FAAH2: variants seen among roughly 807,000 people sequenced by gnomAD.
The protein encoded by FAAH2 is fatty-acid amide hydrolase 2.
Under a neutral mutation model 36.9 loss-of-function variants are expected in FAAH2, and 60 were observed. The ratio of observed to expected loss-of-function variants is 1.63; its 90% CI spans 1.32 to 2.02. FAAH2 has a LOEUF of 2.02. Among genes scored for constraint, FAAH2 ranks in the 30% most tolerant of loss-of-function variants. FAAH2 has a pLI of 0.00. For synonymous variants in FAAH2, 214 were observed against 143.8 expected, an observed-to-expected ratio of 1.49 and a Z score of -3.49; for missense variants, 689 against 397.5, an observed-to-expected ratio of 1.73 and a Z score of -6.23.
At chrX:57,379,821 T>TC (rs1284395970) in intron 6 of FAAH2, among the ~76,000 whole-genome samples, 1 of 108,714 alleles carries the variant, frequency 9.2e-6, no homozygotes, top group Non-Finnish European at 1.9e-5. Context: ...GAATTTTTTT[T>TC]TTTTTTGCAT....
chrX:57,240,691 G>T, the FAAH2 span, among the ~76,000 whole-genome samples: 2 of 112,430 alleles, frequency 1.8e-5, no homozygotes, highest in African/African-American at 6.5e-5. Flanking sequence ...CTGTAGGGGA[G>T]ACTGTGGGTG....
chrX:57,162,996 C>G, the FAAH2 span, among the ~76,000 whole-genome samples: 1 of 112,032 alleles, frequency 8.9e-6, no homozygotes, highest in Non-Finnish European at 1.9e-5. Flanking sequence ...GTGGTTTTAT[C>G]TACTTTTGGT....
intron 7 of FAAH2, among the ~76,000 whole-genome samples, chrX:57,384,928 C>A (rs1458893083): frequency 8.9e-6 from 1 of 111,765 alleles, no homozygotes; most frequent in Non-Finnish European, 1.9e-5. Flanking sequence ...GGCACATATA[C>A]ACCATGGAAT....
At chrX:57,245,817 C>G in the FAAH2 span, among the ~76,000 whole-genome samples, 4 of 111,692 alleles carry the variant, frequency 3.6e-5, no homozygotes, top group African/African-American at 9.8e-5. Context: ...ATTAAACGAT[C>G]TAGAGAAGCA....
chrX:57,452,098 T>A (rs766550097), intron 10 of FAAH2: 1 of 717,056 alleles, frequency 1.4e-6, no homozygotes, highest in Non-Finnish European at 1.7e-6. Context: ...AAAAGTGGCC[T>A]TTCACTGGCT....
chrX:57,294,834 C>A (rs978238318), intron 2 of FAAH2, among the ~76,000 whole-genome samples: 7 of 111,420 alleles, frequency 6.3e-5, no homozygotes, highest in Non-Finnish European at 1.3e-4. Flanking sequence ...ACATTGTGCT[C>A]ATGTCACTTT....
At position 57,341,339 on chromosome X, in the gene FAAH2, A is replaced by G. The variant is rs1163574187; in HGVS notation, c.691A>G (p.Ile231Val). The change falls in exon 5 of 11, where the codon ATT (isoleucine) becomes GTT (valine). Residue 231 changes from isoleucine (I) to valine (V), a missense_variant. Transcript: ENST00000374900. ...IGVGSDIGGS[I>V]RMPAFFNGIF... ...TGTGGGCTCTGATATTGGTGGTAGC[A>G]TTCGAATGCCTGCTTTCTTCAATGG... 1 of 1,210,947 alleles carries G rather than the reference A, an allele frequency of 8.3e-7. No homozygotes were observed.
chrX:57,325,217 G>A (rs1307178868), intron 3 of FAAH2, among the ~76,000 whole-genome samples: 2 of 111,863 alleles, frequency 1.8e-5, no homozygotes, highest in Non-Finnish European at 3.8e-5. Flanking sequence ...TAAGCTTTTA[G>A]ATGTGCTGCT....
intron 7 of FAAH2, among the ~76,000 whole-genome samples, chrX:57,403,976 G>A (rs1397526701): frequency 8.9e-6 from 1 of 112,795 alleles, no homozygotes. Flanking sequence ...ACTTAGGATA[G>A]TTCTGAACTG....
chrX:57,194,168 C>G, the FAAH2 span, among the ~76,000 whole-genome samples: 11 of 111,378 alleles, frequency 9.9e-5, no homozygotes, highest in Non-Finnish European at 3.8e-5. Context: ...CTTATCATTA[C>G]TAGGGGACTT....
intron 7 of FAAH2, among the ~76,000 whole-genome samples, chrX:57,395,867 A>G (rs1054377148): frequency 1.8e-5 from 2 of 111,713 alleles, no homozygotes; most frequent in Non-Finnish European, 3.8e-5. Context: ...TCATAGAATG[A>G]GTTAGAGAGG....
At chrX:57,329,222 A>C (rs1461058377) in intron 3 of FAAH2, among the ~76,000 whole-genome samples, 1 of 111,933 alleles carries the variant, frequency 8.9e-6, no homozygotes, top group Non-Finnish European at 1.9e-5. Flanking sequence ...GCCATCATGC[A>C]GGTGTTTGCA....
the FAAH2 span, among the ~76,000 whole-genome samples, chrX:57,179,132 A>G: frequency 1.8e-5 from 2 of 111,803 alleles, no homozygotes; most frequent in Admixed American, 9.5e-5. Flanking sequence ...GAGCTTTCCT[A>G]TAAAAAGGAA....
rs755762060 is a variant in FAAH2, at chrX:57,388,024, A to T, written c.996+6995A>T. On this transcript the variant is annotated intron_variant, in intron 7 of 10. Transcript: ENST00000374900. ...GCTATATTTTATAGCAATTAAAATC[A>T]AATTAGCAACTTTTATTATGGAAGT... 2.0e-3 allele frequency among the ~76,000 whole-genome samples: 225 copies of T among 111,331 alleles called. 1 individual carries two copies. The highest frequency in any genetic ancestry group is 0.019 in the Middle Eastern group (4 of 215).
chrX:57,324,977 T>A (rs778055243), intron 3 of FAAH2, among the ~76,000 whole-genome samples: 1 of 112,277 alleles, frequency 8.9e-6, no homozygotes, highest in Non-Finnish European at 1.9e-5. Flanking sequence ...GCTGTGGGTT[T>A]GTCATAGATA....
rs183960444 is a variant in FAAH2 at position 57,478,099 on chromosome X, C to T, written c.1424-10658C>T. ...ACAATAGTAGAACTAGTTTATAGTC[C>T]CACCAACAGTGTGAAAGTGTTCCTA... On this transcript the variant is annotated intron_variant, in intron 10 of 10. Coordinates refer to ENST00000374900, the MANE Select transcript of FAAH2 (RefSeq NM_174912.4). 4.6e-4 allele frequency among the ~76,000 whole-genome samples: 51 copies of T among 111,791 alleles called. No homozygotes were observed. The East Asian group carries it at 0.014, about 31-fold the overall frequency.
chrX:57,161,302 A>G, the FAAH2 span, among the ~76,000 whole-genome samples: 1 of 111,310 alleles, frequency 9.0e-6, no homozygotes, highest in Non-Finnish European at 1.9e-5. Flanking sequence ...TTTTGGAATA[A>G]GTGTGATGTG....
At chrX:57,439,984 A>T (rs2056512171) in intron 8 of FAAH2, among the ~76,000 whole-genome samples, 1 of 111,658 alleles carries the variant, frequency 9.0e-6, no homozygotes, top group Non-Finnish European at 1.9e-5. Context: ...TACCAGTACC[A>T]TGCTGTTTTG....
intron 7 of FAAH2, among the ~76,000 whole-genome samples, chrX:57,385,919 A>AT (rs1224717994): frequency 2.7e-5 from 3 of 109,368 alleles, no homozygotes; most frequent in African/African-American, 9.9e-5. Flanking sequence ...AAAAAAAAAA[A>AT]ATAGCATAAG....
Sources: allele counts gnomAD v4.1 joint callset (sites outside exome capture counted in the v4.1 genomes callset), GRCh38; gene constraint gnomAD v4.1.1; transcripts MANE v1.5; gene names NCBI Gene and HGNC (gene_info 2026-07-23, HGNC 2026-07-21).